PRKN: variants seen among roughly 807,000 people sequenced by gnomAD.
PRKN encodes parkin RBR E3 ubiquitin protein ligase.
In PRKN, 56 loss-of-function variants were observed where a neutral mutation model predicts 59.5. The observed-to-expected ratio is 0.94, with a 90% CI of 0.76 to 1.18. The LOEUF (loss-of-function observed/expected upper bound fraction) is 1.18, where lower values mean the gene tolerates loss of function less well. Among genes scored for constraint, PRKN ranks in the 50% most tolerant of loss-of-function variants. PRKN has a pLI of 0.00. For missense variants in PRKN, 657 were observed against 596.4 expected (o/e 1.10, Z -1.06); for synonymous variants, 250 against 222.1 (o/e 1.13, Z -1.12).
chr6:162,685,409 A>C (rs1746770327), intron 1 of PRKN, among the ~76,000 whole-genome samples: 1 of 152,150 alleles, frequency 6.6e-6, no homozygotes, highest in African/African-American at 2.4e-5. Flanking sequence ...TTCATACAAA[A>C]GTAAATATAT....
At chr6:161,875,174 AAT>A (rs1447513881) in intron 6 of PRKN, among the ~76,000 whole-genome samples, 1 of 136,910 alleles carries the variant, frequency 7.3e-6, no homozygotes, top group East Asian at 2.1e-4. Flanking sequence ...TATAATATAA[AAT>A]ATATGTGTGT....
Position 162,678,505 on chromosome 6 carries a change from G to A in PRKN, c.7+49157C>T, listed in dbSNP as rs9347679. Among the ~76,000 whole-genome samples the A allele has an allele frequency of 2.8e-3, 423 of 152,214 alleles. 10 individuals carry two copies. The East Asian group carries it at 0.075, about 27-fold the overall frequency. ...TCAGAATTCTAATAGGTGTATAATA[G>A]CATTTCATTGTGGCTTCAACTTACA... is the stretch of plus-strand genomic sequence containing the variant. On this transcript the variant is annotated intron_variant, in intron 1 of 11. Coordinates refer to ENST00000366898, the MANE Select transcript of PRKN (RefSeq NM_004562.3).
chr6:161,795,135 C>T (rs1257081193), intron 6 of PRKN, among the ~76,000 whole-genome samples: 5 of 152,002 alleles, frequency 3.3e-5, no homozygotes, highest in African/African-American at 7.2e-5. Flanking sequence ...CCACCCGCCT[C>T]GGCCTCCCAA....
At chr6:162,384,662 AC>A (rs1282251252) in intron 2 of PRKN, among the ~76,000 whole-genome samples, 230 of 143,050 alleles carry the variant, frequency 1.6e-3, no homozygotes, top group African/African-American at 4.6e-3. Context: ...AAAAAAAAAA[AC>A]AAAAAAAAAA....
intron 6 of PRKN, among the ~76,000 whole-genome samples, chr6:161,794,491 C>T (rs552837960): frequency 6.6e-6 from 1 of 152,268 alleles, no homozygotes; most frequent in South Asian, 2.1e-4. Flanking sequence ...ACCCCAGCAA[C>T]ACTGTTCTAA....
intron 1 of PRKN, among the ~76,000 whole-genome samples, chr6:162,647,813 T>C (rs2803103): frequency 0.63 from 94,766 of 151,584 alleles, 30,315 homozygotes; most frequent in African/African-American, 0.75. Context: ...CCTTTTCTTG[T>C]CTCTTTCCTC....
intron 6 of PRKN, among the ~76,000 whole-genome samples, chr6:161,883,939 C>T (rs1795039389): frequency 6.6e-6 from 1 of 152,132 alleles, no homozygotes; most frequent in South Asian, 2.1e-4. Context: ...AGGCATGAGC[C>T]ACTGCGCCCA....
chr6:161,692,988 CA>C (rs1367407067), intron 7 of PRKN, among the ~76,000 whole-genome samples: 1 of 150,554 alleles, frequency 6.6e-6, no homozygotes, highest in Non-Finnish European at 1.5e-5. Flanking sequence ...TGGATATTAC[CA>C]CATATTTTTA....
At chr6:162,008,045 T>A (rs1782329303) in intron 5 of PRKN, among the ~76,000 whole-genome samples, 1 of 152,080 alleles carries the variant, frequency 6.6e-6, no homozygotes, top group African/African-American at 2.4e-5. Context: ...GAAGTTCAAC[T>A]GAAAAAACTG....
rs1232388187 is a variant in PRKN, at chr6:161,968,248, TG to T, written c.734+5053del. Among the ~76,000 whole-genome samples, 12 of 149,620 alleles carry T rather than the reference TG, an allele frequency of 8.0e-5. No individual in the cohort carries two copies. In the East Asian group the frequency reaches 2.4e-3, roughly 30 times the overall value. ...AGATGGGATTTCCCCATGTTGGCCATGGCTGCTCTCAAACTCCTGGCCTCAA... is the reference window on the plus strand; with the variant it reads ...AGATGGGATTTCCCCATGTTGGCCATGCTGCTCTCAAACTCCTGGCCTCAA... On this transcript the variant is annotated intron_variant, in intron 6 of 11. Transcript: ENST00000366898.
intron 2 of PRKN, among the ~76,000 whole-genome samples, chr6:162,345,745 T>C (rs979013855): frequency 6.6e-6 from 1 of 152,246 alleles, no homozygotes; most frequent in Non-Finnish European, 1.5e-5. Flanking sequence ...TTTATATGAC[T>C]TATCGTTATA....
rs973438674 is a variant in PRKN at position 161,582,513 on chromosome 6, G to T, written c.872-13097C>A. On this transcript the variant is annotated intron_variant, in intron 7 of 11. Coordinates refer to ENST00000366898, the MANE Select transcript of PRKN (RefSeq NM_004562.3). This position sits in a 1 kb window ranked among gnomAD's most constrained non-coding sequence, Gnocchi z 4.4. ...GCGATCTAGGCTCACTGCAAGCTCC[G>T]CCTCCCAGGTTCACGCCATTCTCCT... Among the ~76,000 whole-genome samples the T allele has an allele frequency of 6.6e-6, 1 of 151,626 alleles. No homozygotes were observed. Among genetic ancestry groups the T allele is most frequent in the South Asian group, 2.1e-4 (1 of 4,780 alleles).
chr6:162,471,547 C>A (rs1184184399), intron 1 of PRKN, among the ~76,000 whole-genome samples: 4 of 152,180 alleles, frequency 2.6e-5, no homozygotes, highest in African/African-American at 9.7e-5. Context: ...AAACAATTTA[C>A]AATTAATTGC....
At chr6:162,244,911 A>G (rs1009319722) in intron 3 of PRKN, among the ~76,000 whole-genome samples, 66 of 152,100 alleles carry the variant, frequency 4.3e-4, no homozygotes, top group Admixed American at 1.1e-3. Flanking sequence ...TCCATAAAAG[A>G]AGGAATGATA....
rs1046103173 is a variant in PRKN at position 161,454,730 on chromosome 6, G to A, written c.1084-67853C>T. Among the ~76,000 whole-genome samples, 1 of 152,138 alleles carries A rather than the reference G, an allele frequency of 6.6e-6. No homozygotes were observed. The highest frequency in any genetic ancestry group is 1.5e-5 in the Non-Finnish European group (1 of 68,026). ...CATTAGGGCTACTGAAGTCCCATTA[G>A]GTTGACTACTTTCTGGAGGCCAATT... On this transcript the variant is annotated intron_variant, in intron 9 of 11. Transcript: ENST00000366898. This position sits in a 1 kb window ranked among gnomAD's most constrained non-coding sequence, Gnocchi z 4.6.
In PRKN at chr6:161,936,633, C is replaced by T. The variant is rs537736056; in HGVS notation, c.734+36669G>A. On this transcript the variant is annotated intron_variant, in intron 6 of 11. Coordinates refer to ENST00000366898, the MANE Select transcript of PRKN (RefSeq NM_004562.3). ...GCCAAAGCTTTAGCAGAAACATGCCCAGGAAAGCTCCACCAGAGACTCCTC... is the reference window on the plus strand; with the variant it reads ...GCCAAAGCTTTAGCAGAAACATGCCTAGGAAAGCTCCACCAGAGACTCCTC... Among the ~76,000 whole-genome samples, 10 of 152,202 alleles carry T rather than the reference C, an allele frequency of 6.6e-5. No individual in the cohort carries two copies. In the East Asian group the frequency reaches 1.7e-3, roughly 26 times the overall value.
rs559188048 is a variant in PRKN at position 162,603,230 on chromosome 6, T to TA, written c.7+124431dup. On this transcript the variant is annotated intron_variant, in intron 1 of 11. Transcript: ENST00000366898. Reference sequence around the variant, plus strand: ...ACCTCTAAAAGTGGCAGGTAACAACTAAAAAACAACAGTCTGCGAATTCCT... The same window carrying TA: ...ACCTCTAAAAGTGGCAGGTAACAACTAAAAAAACAACAGTCTGCGAATTCCT... Among the ~76,000 whole-genome samples the TA allele has an allele frequency of 1.8e-3, 268 of 152,264 alleles. 3 individuals carry two copies. The highest frequency in any genetic ancestry group is 5.9e-3 in the African/African-American group (246 of 41,552).
intron 5 of PRKN, among the ~76,000 whole-genome samples, chr6:162,019,890 G>T (rs1322978234): frequency 2.6e-5 from 4 of 151,984 alleles, no homozygotes; most frequent in Non-Finnish European, 5.9e-5. Context: ...GTGGTGGCGG[G>T]CGCCTGTAAT....
intron 1 of PRKN, among the ~76,000 whole-genome samples, chr6:162,638,191 AC>A (rs1478491667): frequency 2.0e-5 from 2 of 101,364 alleles, no homozygotes; most frequent in African/African-American, 4.9e-5. Flanking sequence ...GAACTGTAAG[AC>A]AATAATATTA....
Sources: allele counts gnomAD v4.1 joint callset (sites outside exome capture counted in the v4.1 genomes callset), GRCh38; gene constraint gnomAD v4.1.1; non-coding constraint Gnocchi (gnomAD v3.1); transcripts MANE v1.5; gene names NCBI Gene and HGNC (gene_info 2026-07-23, HGNC 2026-07-21).